EVPL: variants seen among roughly 807,000 people sequenced by gnomAD.
EVPL encodes the protein envoplakin.
In EVPL, 94 loss-of-function variants were observed where a neutral mutation model predicts 129.7. The ratio of observed to expected loss-of-function variants is 0.72; its 90% CI spans 0.61 to 0.86. EVPL has a LOEUF of 0.86. Among genes scored for constraint, EVPL ranks in the 40% least tolerant of loss-of-function variants. The pLI, the probability that EVPL is intolerant of heterozygous loss-of-function variation, is 0.00. For synonymous variants in EVPL, 1,172 were observed against 1,191.1 expected (o/e 0.98, Z 0.33); for missense variants, 2,625 against 2,721.1 (o/e 0.96, Z 0.79).
Position 76,015,776 on chromosome 17 carries a change from C to T in EVPL, c.1711-148G>A, listed in dbSNP as rs970219349. 13 of 790,006 alleles carry T rather than the reference C, an allele frequency of 1.6e-5. No individual in the cohort carries two copies. In the Admixed American group the frequency reaches 3.1e-4, roughly 19 times the overall value. The allele number at this position is 790,006 out of a possible 1,614,324, so 48.9% of individuals were successfully genotyped here. A position where few individuals can be genotyped will look rare whatever the true frequency, so the allele number is the denominator to read the frequency against. On this transcript the variant is annotated intron_variant, in intron 14 of 21. Transcript: ENST00000301607. ...GCCAGAGAACTGCGTTCAGTCCTGG[C>T]GCTACTCGTTCCTCTGTGGATGACC... is the stretch of plus-strand genomic sequence containing the variant.
intron 21 of EVPL, 123 bp from the exon 22 acceptor site, chr17:76,010,666 G>T: frequency 9.6e-7 from 1 of 1,037,972 alleles, no homozygotes; most frequent in Non-Finnish European, 1.4e-6. Flanking sequence ...CAGAGGTGGA[G>T]CTGAAGACCT....
Position 76,008,522 on chromosome 17 carries a change from C to A in EVPL, c.4683G>T (p.Arg1561=). The A allele has an allele frequency of 6.2e-7, 1 of 1,606,074 alleles. No homozygotes were observed. Among genetic ancestry groups the A allele is most frequent in the Non-Finnish European group, 8.5e-7 (1 of 1,179,274 alleles). Residue 1561 remains arginine, a synonymous_variant, in exon 22 of 22, where the codon CGG becomes CGT. Coordinates refer to ENST00000301607, the MANE Select transcript of EVPL (RefSeq NM_001988.4). This position sits in a 1 kb window ranked among gnomAD's most constrained non-coding sequence, Gnocchi z 7.4. ...GCGTCTCGGCCCGGTCAATGCGCTC[C>A]CGCAGGCGCCGTGCCTCCTCCTCCC... ...QAREEEARRL[R]ERIDRAETLG...
intron 8 of EVPL, 48 bp from the exon 9 acceptor site, chr17:76,021,611 G>GGCCC: frequency 8.3e-7 from 1 of 1,202,140 alleles, no homozygotes; most frequent in Non-Finnish European, 1.1e-6. Context: ...CCCCACGTCC[G>GGCCC]CCCCACCTCC....
At position 76,013,528 on chromosome 17, in the gene EVPL, T is replaced by C. The variant is rs1270579162; in HGVS notation, c.2373+898A>G. ...CTGTTTCCTGTGTTCCCGCCTCAAG[T>C]GGAGGTGCCCCCTCTTCCCAGTTGT... On this transcript the variant is annotated intron_variant, in intron 18 of 21. Transcript: ENST00000301607. The surrounding 1 kb of genome is among the most constrained non-coding windows in gnomAD (Gnocchi z 4.3). Among the ~76,000 whole-genome samples, 2 of 152,116 alleles carry C rather than the reference T, an allele frequency of 1.3e-5. No individual in the cohort carries two copies. The highest frequency in any genetic ancestry group is 4.8e-5 in the African/African-American group (2 of 41,428).
chr17:76,020,897 T>A (rs1471589477), intron 9 of EVPL, among the ~76,000 whole-genome samples: 1 of 152,026 alleles, frequency 6.6e-6, no homozygotes, highest in African/African-American at 2.4e-5. Flanking sequence ...GTATACAGCT[T>A]AGGTGCTGTA....
chr17:76,008,065 A>G lies in EVPL; in HGVS notation c.5140T>C (p.Leu1714=), dbSNP rs1179183209. The G allele has an allele frequency of 6.2e-7, 1 of 1,613,932 alleles. No homozygotes were observed. Among genetic ancestry groups the G allele is most frequent in the East Asian group, 2.2e-5 (1 of 44,864 alleles). The change falls in exon 22 of 22, where the codon TTG becomes CTG. Residue 1714 remains leucine (L), a synonymous_variant. Coordinates refer to ENST00000301607, the MANE Select transcript of EVPL (RefSeq NM_001988.4). The surrounding 1 kb of genome is among the most constrained non-coding windows in gnomAD (Gnocchi z 7.4). ...KRGIIDRGQY[L]QLQELECDWE... is the part of the protein sequence containing the mutation. ...TCACACTCGAGCTCCTGCAGCTGCA[A>G]GTACTGGCCCCTGTCGATGATGCCC...
At position 76,007,478 on chromosome 17, in the gene EVPL, G is replaced by T. The variant is rs374513064; in HGVS notation, c.5727C>A (p.Pro1909=). 2 of 1,610,624 alleles carry T rather than the reference G, an allele frequency of 1.2e-6. No homozygotes were observed. The highest frequency in any genetic ancestry group is 3.3e-5 in the Admixed American group (2 of 59,974). ...AQKAFTGIED[P]VTKKRLSVGE... is the part of the protein sequence containing the mutation. Reference sequence around the variant, plus strand: ...CCACCGAGAGCCTCTTCTTGGTGACGGGGTCCTCGATGCCGGTGAAGGCCT... The same window carrying T: ...CCACCGAGAGCCTCTTCTTGGTGACTGGGTCCTCGATGCCGGTGAAGGCCT... Residue 1909 remains proline (P), a synonymous_variant, in exon 22 of 22, where the codon CCC becomes CCA. Coordinates refer to ENST00000301607, the MANE Select transcript of EVPL (RefSeq NM_001988.4). This position sits in a 1 kb window ranked among gnomAD's most constrained non-coding sequence, Gnocchi z 8.8.
chr17:76,011,800 G>A lies in EVPL; in HGVS notation c.2540C>T (p.Ala847Val). The A allele has an allele frequency of 6.2e-7, 1 of 1,612,328 alleles. No individual in the cohort carries two copies. The highest frequency in any genetic ancestry group is 1.7e-4 in the Middle Eastern group (1 of 6,044). The stretch of plus-strand genomic sequence containing the variant: ...GGCTTGGATGCTCTCTTGCAGGGGA[G>A]CCACTCGGGGTCTCTTGGGGGCTGA... Reference protein sequence around the residue: ...AVSAPKRPRVAPLQESIQAQE... With the variant: ...AVSAPKRPRVVPLQESIQAQE... Residue 847 changes from alanine (A) to valine (V), a missense_variant, in exon 20 of 22, where the codon GCT becomes GTT. Ala to Val is a moderately conservative substitution (Grantham distance 64). Transcript: ENST00000301607.
Position 76,024,210 on chromosome 17 carries a change from A to G in EVPL, c.99-90T>C, listed in dbSNP as rs1051892599. 3 of 1,225,924 alleles carry G rather than the reference A, an allele frequency of 2.4e-6. No individual in the cohort carries two copies. The East Asian group carries it at 7.6e-5, about 31-fold the overall frequency. The allele number at this position is 1,225,924 out of a possible 1,614,324, so 75.9% of individuals were successfully genotyped here. ...GCATCCCCTGCCCTCCCTCCACCCCATCCTGCCCCCACAGCCTAGCTCACT... is the reference window on the plus strand; with the variant it reads ...GCATCCCCTGCCCTCCCTCCACCCCGTCCTGCCCCCACAGCCTAGCTCACT... On this transcript the variant is annotated intron_variant, in intron 1 of 21. Coordinates refer to ENST00000301607, the MANE Select transcript of EVPL (RefSeq NM_001988.4). The surrounding 1 kb of genome is among the most constrained non-coding windows in gnomAD (Gnocchi z 4.5).
intron 1 of EVPL, among the ~76,000 whole-genome samples, chr17:76,026,505 G>T (rs2066499282): frequency 6.6e-6 from 1 of 152,208 alleles, no homozygotes; most frequent in South Asian, 2.1e-4. Flanking sequence ...GTGAGCCACG[G>T]CGCCCGGCCA....
At position 76,008,873 on chromosome 17, in the gene EVPL, C is replaced by G; in HGVS notation, c.4332G>C (p.Leu1444Phe). ...AVERELRQLT[L>F]RIQELEKRPP... is the part of the protein sequence containing the mutation. Reference sequence around the variant, plus strand: ...GCCGCTTCTCGAGCTCCTGGATCCTCAAGGTCAGCTGCCGCAGCTCCCTCT... The same window carrying G: ...GCCGCTTCTCGAGCTCCTGGATCCTGAAGGTCAGCTGCCGCAGCTCCCTCT... The change falls in exon 22 of 22, where the codon TTG (leucine) becomes TTC (phenylalanine). Residue 1444 changes from leucine to phenylalanine, a missense_variant. Around this residue, in one of 4 missense-constraint regions of EVPL, gnomAD observed 1,453 missense variants for 1,511.8 expected, o/e 0.96. Coordinates refer to ENST00000301607, the MANE Select transcript of EVPL (RefSeq NM_001988.4). The surrounding 1 kb of genome is among the most constrained non-coding windows in gnomAD (Gnocchi z 7.4). 3 of 1,613,988 alleles carry G rather than the reference C, an allele frequency of 1.9e-6. No individual in the cohort carries two copies. Among genetic ancestry groups the G allele is most frequent in the Non-Finnish European group, 1.7e-6 (2 of 1,180,012 alleles).
At position 76,009,147 on chromosome 17, in the gene EVPL, T is replaced by G. The variant is rs780338393; in HGVS notation, c.4058A>C (p.Glu1353Ala). ...KRRAAEDAVYELQSKRLLLER... is the reference protein window; with the variant it reads ...KRRAAEDAVYALQSKRLLLER... ...CAGCAGCAGGCGCTTGCTCTGCAGC[T>G]CGTACACCGCGTCCTCCGCGGCCCG... is the stretch of plus-strand genomic sequence containing the variant. The change falls in exon 22 of 22, where the codon GAG becomes GCG. Residue 1353 changes from glutamate to alanine, a missense_variant. By Grantham distance (107) the Glu-to-Ala change is moderately radical. Coordinates refer to ENST00000301607, the MANE Select transcript of EVPL (RefSeq NM_001988.4). This position sits in a 1 kb window ranked among gnomAD's most constrained non-coding sequence, Gnocchi z 5.9. 6.2e-7 allele frequency: 1 copy of G among 1,611,798 alleles called. No individual in the cohort carries two copies. The highest frequency in any genetic ancestry group is 8.5e-7 in the Non-Finnish European group (1 of 1,179,822).
At position 76,010,516 on chromosome 17, in the gene EVPL, T is replaced by C. The variant is rs564159995; in HGVS notation, c.2689A>G (p.Thr897Ala). 6.2e-7 allele frequency: 1 copy of C among 1,613,546 alleles called. No individual in the cohort carries two copies. The highest frequency in any genetic ancestry group is 1.3e-5 in the African/African-American group (1 of 74,894). Residue 897 changes from threonine (T) to alanine (A), a missense_variant, in exon 22 of 22, where the codon ACC becomes GCC. Thr to Ala is a moderately conservative substitution (Grantham distance 58). Coordinates refer to ENST00000301607, the MANE Select transcript of EVPL (RefSeq NM_001988.4). ...KKELSEDIRR[T>A]HDAKQGSESP... ...TCGGAGCCCTGCTTTGCATCATGGGTCCTTCGGATGTCCTCACTGAGCTCC... is the reference window on the plus strand; with the variant it reads ...TCGGAGCCCTGCTTTGCATCATGGGCCCTTCGGATGTCCTCACTGAGCTCC...
chr17:76,023,151 C>T, intron 4 of EVPL, 141 bp downstream of exon 4: 6 of 1,421,220 alleles, frequency 4.2e-6, no homozygotes, highest in Non-Finnish European at 5.7e-6. Flanking sequence ...CCTGACTGCA[C>T]TGTCTACTCT....
chr17:76,021,113 T>C (rs377565776), intron 9 of EVPL, among the ~76,000 whole-genome samples: 40 of 152,302 alleles, frequency 2.6e-4, no homozygotes, highest in African/African-American at 9.4e-4. Flanking sequence ...TGGAGTGCAG[T>C]GGACCAATCT....
At position 76,007,767 on chromosome 17, in the gene EVPL, G is replaced by C. The variant is rs373617823; in HGVS notation, c.5438C>G (p.Ser1813Cys). 30 of 1,612,606 alleles carry C rather than the reference G, an allele frequency of 1.9e-5. No individual in the cohort carries two copies. Among genetic ancestry groups the C allele is most frequent in the Non-Finnish European group, 2.5e-5 (30 of 1,178,966 alleles). ...SPAPQSTSFF[S>C]PSFSLGLGDD... ...ACCGAGCCCGAGAGAGAAGCTGGGA[G>C]AGAAGAAACTGGTGCTCTGGGGGGC... Residue 1813 changes from serine to cysteine, a missense_variant, in exon 22 of 22, where the codon TCT becomes TGT. Ser to Cys is a moderately radical substitution (Grantham distance 112). Transcript: ENST00000301607. The surrounding 1 kb of genome is among the most constrained non-coding windows in gnomAD (Gnocchi z 8.8).
In EVPL at chr17:76,009,018, T is replaced by C; in HGVS notation, c.4187A>G (p.Asp1396Gly). 1.2e-6 allele frequency: 2 copies of C among 1,612,962 alleles called. No homozygotes were observed. The highest frequency in any genetic ancestry group is 1.7e-6 in the Non-Finnish European group (2 of 1,179,862). Residue 1396 changes from aspartate (D) to glycine (G), a missense_variant, in exon 22 of 22, where the codon GAT becomes GGT. Asp to Gly is a moderately conservative substitution (Grantham distance 94). Coordinates refer to ENST00000301607, the MANE Select transcript of EVPL (RefSeq NM_001988.4). This position sits in a 1 kb window ranked among gnomAD's most constrained non-coding sequence, Gnocchi z 5.9. ...CTGGCGCCGCCGGCCCACCTCCTCA[T>C]CCAGGCTCCCGCTCAGCCGGCTGTG... is the stretch of plus-strand genomic sequence containing the variant. ...EEHSRLSGSL[D>G]EEVGRRRQLE...
intron 1 of EVPL, among the ~76,000 whole-genome samples, chr17:76,025,964 C>T (rs2066495649): frequency 6.6e-6 from 1 of 152,242 alleles, no homozygotes; most frequent in Non-Finnish European, 1.5e-5. Context: ...TTTTAACAGA[C>T]AGGGTCTTGC....
rs555296324 is a variant in EVPL at position 76,022,664 on chromosome 17, C to G, written c.481-126G>C. The stretch of plus-strand genomic sequence containing the variant: ...AGAGCGTGGACGAGCCTGGGAGCAG[C>G]CCGGGTGCATGCCCTGCAGCTCCCC... On this transcript the variant is annotated intron_variant, in intron 4 of 21. Transcript: ENST00000301607. This position sits in a 1 kb window ranked among gnomAD's most constrained non-coding sequence, Gnocchi z 5.6. The G allele has an allele frequency of 7.6e-7, 1 of 1,322,844 alleles. No individual in the cohort carries two copies. Among genetic ancestry groups the G allele is most frequent in the Admixed American group, 2.5e-5 (1 of 39,924 alleles). The allele number at this position is 1,322,844 out of a possible 1,614,324, so 81.9% of individuals were successfully genotyped here.
Sources: allele counts gnomAD v4.1 joint callset (sites outside exome capture counted in the v4.1 genomes callset), GRCh38; gene constraint gnomAD v4.1.1; regional missense constraint gnomAD v4.1.1; non-coding constraint Gnocchi (gnomAD v3.1); transcripts MANE v1.5; gene names NCBI Gene and HGNC (gene_info 2026-07-23, HGNC 2026-07-21).